The following SYNE3 variants were observed in gnomAD, a reference collection of about 807,000 sequenced individuals.
The protein encoded by SYNE3 is spectrin repeat containing nuclear envelope family member 3, also known as nesprin-3.
Under a neutral mutation model 111.2 loss-of-function variants are expected in SYNE3, and 100 were observed. The observed-to-expected ratio is 0.90, with a 90% CI of 0.77 to 1.06. The LOEUF (loss-of-function observed/expected upper bound fraction) is 1.06. Among genes scored for constraint, SYNE3 ranks in the 50% least tolerant of loss-of-function variants. The probability of loss-of-function intolerance (pLI) is 0.00; values close to 1 mark genes in which losing one functional copy is unlikely to be tolerated. For synonymous variants in SYNE3, 547 were observed against 533.9 expected (o/e 1.02, Z -0.34); for missense variants, 1,160 against 1,240.3 (o/e 0.94, Z 0.97).
intron 1 of SYNE3, among the ~76,000 whole-genome samples, chr14:95,480,123 CA>C (rs1305047945): frequency 2.0e-5 from 3 of 152,160 alleles, no homozygotes; most frequent in Non-Finnish European, 4.4e-5. Flanking sequence ...GAAATGTGCT[CA>C]GGGGTAAAAA....
rs754857398 is a variant in SYNE3, at chr14:95,452,290, G to T, written c.1231C>A (p.Pro411Thr). ...GTAGCGATGACACTATCAGAGAGTG[G>T]CTTCAGGTTGTGAGGGAAGACGATG... ...ELIVFPHNLK[P>T]LSDSVIATIQ... The change falls in exon 7 of 18, where the codon CCA (proline) becomes ACA (threonine). Residue 411 changes from proline to threonine, a missense_variant. Transcript: ENST00000682763. 2 of 1,613,766 alleles carry T rather than the reference G, an allele frequency of 1.2e-6. No homozygotes were observed. Among genetic ancestry groups the T allele is most frequent in the Non-Finnish European group, 1.7e-6 (2 of 1,179,886 alleles).
chr14:95,447,717 G>A (rs770050092), intron 8 of SYNE3, among the ~76,000 whole-genome samples: 3 of 152,134 alleles, frequency 2.0e-5, no homozygotes, highest in African/African-American at 4.8e-5. Flanking sequence ...TTTTCACCAA[G>A]CTCAGACACA....
intron 17 of SYNE3, among the ~76,000 whole-genome samples, chr14:95,421,398 C>A (rs1222889661): frequency 1.3e-5 from 2 of 152,086 alleles, no homozygotes; most frequent in Non-Finnish European, 2.9e-5. Context: ...GTCCATGAGA[C>A]CTAATCTTCT....
chr14:95,443,944 T>C, intron 10 of SYNE3: 1 of 153,440 alleles, frequency 6.5e-6, no homozygotes, highest in Non-Finnish European at 1.5e-5. Flanking sequence ...ATTACAGGCG[T>C]GAGCCACCGC....
chr14:95,500,477 C>A lies in SYNE3; in HGVS notation c.-15+16119G>T, dbSNP rs558847460. ...CCCAGACCTCAGCACCAGCGGCCGCCCACAGCCAGGCAGCAGGGAGAAGCT... is the reference window on the plus strand; with the variant it reads ...CCCAGACCTCAGCACCAGCGGCCGCACACAGCCAGGCAGCAGGGAGAAGCT... On this transcript the variant is annotated intron_variant, in intron 1 of 17. Transcript: ENST00000682763. This position sits in a 1 kb window ranked among gnomAD's most constrained non-coding sequence, Gnocchi z 4.7. 6.4e-4 allele frequency among the ~76,000 whole-genome samples: 97 copies of A among 152,344 alleles called. No homozygotes were observed. Among genetic ancestry groups the A allele is most frequent in the African/African-American group, 2.2e-3 (92 of 41,580 alleles).
intron 1 of SYNE3, among the ~76,000 whole-genome samples, chr14:95,501,590 G>T (rs1037664912): frequency 1.3e-5 from 2 of 152,192 alleles, no homozygotes; most frequent in Non-Finnish European, 2.9e-5. Flanking sequence ...GCTCAGTGAG[G>T]TTTGGTTCAG....
intron 1 of SYNE3, among the ~76,000 whole-genome samples, chr14:95,511,233 C>T (rs550896460): frequency 1.3e-4 from 20 of 152,296 alleles, no homozygotes; most frequent in Non-Finnish European, 2.4e-4. Context: ...GAATCAAGTA[C>T]GCCTGCAAAA....
At chr14:95,478,949 A>G (rs1283297724) in intron 1 of SYNE3, among the ~76,000 whole-genome samples, 1 of 152,104 alleles carries the variant, frequency 6.6e-6, no homozygotes, top group African/African-American at 2.4e-5. Flanking sequence ...TGTCTGGGAA[A>G]GAGTCAGCCA....
At chr14:95,508,381 A>G (rs1007186470) in intron 1 of SYNE3, among the ~76,000 whole-genome samples, 2 of 152,216 alleles carry the variant, frequency 1.3e-5, no homozygotes, top group Admixed American at 1.3e-4. Flanking sequence ...TCATTCATTC[A>G]TTCTAGAAAT....
At chr14:95,516,204 G>C (rs548739281) in intron 1 of SYNE3, 82 of 152,338 alleles carry the variant, frequency 5.4e-4, no homozygotes, top group African/African-American at 1.7e-3. Context: ...CCCGCCGCGC[G>C]CAAGCCTTGG....
chr14:95,476,479 G>A (rs1026327504), intron 1 of SYNE3, among the ~76,000 whole-genome samples: 18 of 152,184 alleles, frequency 1.2e-4, no homozygotes, highest in African/African-American at 4.3e-4. Flanking sequence ...GATGCAACCC[G>A]CTTGCTATGC....
chr14:95,461,180 A>C (rs895189958), intron 4 of SYNE3, among the ~76,000 whole-genome samples: 78 of 152,298 alleles, frequency 5.1e-4, no homozygotes, highest in African/African-American at 1.7e-3. Flanking sequence ...CCAATTAACA[A>C]GGGTGGTGCG....
chr14:95,503,720 G>A (rs747470151), intron 1 of SYNE3, among the ~76,000 whole-genome samples: 3 of 146,844 alleles, frequency 2.0e-5, no homozygotes, highest in Non-Finnish European at 4.5e-5. Context: ...CTGGGCTCAA[G>A]TGATCCTCCT....
chr14:95,495,246 T>C (rs1383008288), intron 1 of SYNE3, among the ~76,000 whole-genome samples: 3 of 152,144 alleles, frequency 2.0e-5, no homozygotes, highest in Admixed American at 2.0e-4. Flanking sequence ...CTTCCAAGAG[T>C]GTCTGTGCCC....
chr14:95,444,225 T>C (rs1886571813), intron 10 of SYNE3: 2 of 478,028 alleles, frequency 4.2e-6, no homozygotes, highest in Non-Finnish European at 7.3e-6. Context: ...CAAATACCAA[T>C]GTTAGACTTT....
chr14:95,415,961 C>T lies in SYNE3; in HGVS notation c.*1865G>A, dbSNP rs945294097. The T allele has an allele frequency of 6.6e-6, 1 of 152,300 alleles. No homozygotes were observed. The highest frequency in any genetic ancestry group is 1.5e-5 in the Non-Finnish European group (1 of 68,130). 9.4% of individuals were successfully genotyped at this position (152,300 alleles called of 1,614,324 possible). On this transcript the variant is annotated 3_prime_UTR_variant, in exon 18 of 18. Transcript: ENST00000682763. ...AGTGAGCCGAGATCGCACCACTGCA[C>T]TCCAGCCTGGGCAAAAAGAGCGAAA...
intron 8 of SYNE3, among the ~76,000 whole-genome samples, chr14:95,447,062 C>T (rs906366532): frequency 1.3e-5 from 2 of 151,844 alleles, no homozygotes; most frequent in Non-Finnish European, 2.9e-5. Context: ...GAGCTAGGCA[C>T]GGGGTTGGGA....
chr14:95,466,329 T>G, intron 3 of SYNE3, 89 bp from the exon 4 acceptor site: 2 of 1,406,154 alleles, frequency 1.4e-6, no homozygotes, highest in Non-Finnish European at 1.9e-6. Context: ...TCCCCAATAC[T>G]AGGGGGCTGT....
At chr14:95,514,047 G>A (rs778394373) in intron 1 of SYNE3, among the ~76,000 whole-genome samples, 7 of 151,978 alleles carry the variant, frequency 4.6e-5, no homozygotes, top group South Asian at 2.1e-4. Flanking sequence ...TGAGAGGCAG[G>A]AAGAGCTTTG....
Sources: allele counts gnomAD v4.1 joint callset (sites outside exome capture counted in the v4.1 genomes callset), GRCh38; gene constraint gnomAD v4.1.1; non-coding constraint Gnocchi (gnomAD v3.1); transcripts MANE v1.5; gene names NCBI Gene and HGNC (gene_info 2026-07-23, HGNC 2026-07-21).